The following AFG2A variants were observed in gnomAD, a reference collection of about 807,000 sequenced individuals.
The protein encoded by AFG2A is ATPase family gene 2 protein homolog A.
At chr4:123,060,677 GC>G in the AFG2A span, among the ~76,000 whole-genome samples, 3 of 152,264 alleles carry the variant, frequency 2.0e-5, no homozygotes, top group South Asian at 6.2e-4. Flanking sequence ...AGGTTTGCAG[GC>G]CTGTGATGGG....
chr4:123,190,829 C>G, the AFG2A span, among the ~76,000 whole-genome samples: 1 of 152,156 alleles, frequency 6.6e-6, no homozygotes, highest in Non-Finnish European at 1.5e-5. Flanking sequence ...TGTAGGTAAA[C>G]ACTGCCTCAG....
chr4:123,152,788 A>G, the AFG2A span, among the ~76,000 whole-genome samples: 2 of 152,250 alleles, frequency 1.3e-5, no homozygotes, highest in South Asian at 2.1e-4. Context: ...ATGTCCACAC[A>G]AAAACCTGCA....
the AFG2A span, among the ~76,000 whole-genome samples, chr4:123,007,229 C>T: frequency 4.7e-4 from 72 of 152,086 alleles, 1 homozygote; most frequent in Non-Finnish European, 9.0e-4. Context: ...TTGATTTTTC[C>T]ACTCTATTGA....
At chr4:123,208,987 C>A in the AFG2A span, among the ~76,000 whole-genome samples, 1 of 152,148 alleles carries the variant, frequency 6.6e-6, no homozygotes, top group East Asian at 1.9e-4. Flanking sequence ...AAGTCCATCC[C>A]ACAAACTCCA....
chr4:123,163,641 T>G, the AFG2A span, among the ~76,000 whole-genome samples: 17 of 152,282 alleles, frequency 1.1e-4, no homozygotes, highest in African/African-American at 4.1e-4. Flanking sequence ...TTTACAGACT[T>G]ACGTGGATTG....
the AFG2A span, among the ~76,000 whole-genome samples, chr4:123,056,877 T>C: frequency 6.6e-6 from 1 of 152,208 alleles, no homozygotes; most frequent in South Asian, 2.1e-4. Context: ...AAATCGAGGC[T>C]TACAGAAGTG....
the AFG2A span, among the ~76,000 whole-genome samples, chr4:123,015,425 G>T: frequency 6.6e-5 from 10 of 152,092 alleles, no homozygotes; most frequent in African/African-American, 2.4e-4. Flanking sequence ...GTTTAACAAA[G>T]CACATCTTGC....
chr4:123,069,703 A>C, the AFG2A span, among the ~76,000 whole-genome samples: 1 of 152,224 alleles, frequency 6.6e-6, no homozygotes, highest in Non-Finnish European at 1.5e-5. Flanking sequence ...AAATATCCGA[A>C]AAGTATAAAC....
the AFG2A span, among the ~76,000 whole-genome samples, chr4:123,070,781 A>G: frequency 7.9e-5 from 12 of 152,202 alleles, no homozygotes; most frequent in Non-Finnish European, 1.6e-4. Context: ...CTCACAGACA[A>G]CAAACAAGGT....
chr4:122,923,127 A>G, the AFG2A span: 37 of 1,613,972 alleles, frequency 2.3e-5, no homozygotes, highest in East Asian at 2.7e-4. Flanking sequence ...TGCTTCGGCT[A>G]GGGTACCTTG....
the AFG2A span, among the ~76,000 whole-genome samples, chr4:123,310,854 A>G: frequency 6.6e-6 from 1 of 152,238 alleles, no homozygotes; most frequent in African/African-American, 2.4e-5. Flanking sequence ...AGTTCTTCAG[A>G]GCATCCTTTA....
chr4:122,990,477 A>G, the AFG2A span, among the ~76,000 whole-genome samples: 1 of 152,226 alleles, frequency 6.6e-6, no homozygotes, highest in Non-Finnish European at 1.5e-5. Flanking sequence ...TCATTAACTA[A>G]TGTTTTTAAA....
chr4:123,144,387 A>G, the AFG2A span, among the ~76,000 whole-genome samples: 1 of 152,110 alleles, frequency 6.6e-6, no homozygotes, highest in Non-Finnish European at 1.5e-5. Flanking sequence ...ACATGCTGTA[A>G]GTAATATAGT....
chr4:123,004,320 C>T, the AFG2A span, among the ~76,000 whole-genome samples: 3 of 152,216 alleles, frequency 2.0e-5, no homozygotes, highest in Admixed American at 2.0e-4. Flanking sequence ...ACCCACTGTC[C>T]TGCGCCCACT....
chr4:122,959,103 A>T, the AFG2A span, among the ~76,000 whole-genome samples: 1 of 152,170 alleles, frequency 6.6e-6, no homozygotes, highest in South Asian at 2.1e-4. Flanking sequence ...CAGGTATGTC[A>T]TTGCTGCTGG....
At chr4:123,197,752 A>T in the AFG2A span, among the ~76,000 whole-genome samples, 1 of 150,632 alleles carries the variant, frequency 6.6e-6, no homozygotes, top group South Asian at 2.1e-4. Context: ...TGGGTGACGG[A>T]GTAAGACTCC....
chr4:123,224,981 A>T, the AFG2A span, among the ~76,000 whole-genome samples: 5 of 151,994 alleles, frequency 3.3e-5, no homozygotes, highest in African/African-American at 1.2e-4. Context: ...CCATTTTTTC[A>T]TGTGTCTTTT....
chr4:123,234,967 T>A, the AFG2A span, among the ~76,000 whole-genome samples: 1 of 152,174 alleles, frequency 6.6e-6, no homozygotes, highest in African/African-American at 2.4e-5. Context: ...GTAAACTCAT[T>A]CATGAATTTT....
the AFG2A span, among the ~76,000 whole-genome samples, chr4:123,270,413 G>A: frequency 6.6e-6 from 1 of 152,182 alleles, no homozygotes; most frequent in Non-Finnish European, 1.5e-5. Flanking sequence ...CTTCTGTGGG[G>A]AAGGGTACTC....
Sources: allele counts gnomAD v4.1 joint callset (sites outside exome capture counted in the v4.1 genomes callset), GRCh38; gene constraint gnomAD v4.1.1; transcripts MANE v1.5; gene names NCBI Gene and HGNC (gene_info 2026-07-23, HGNC 2026-07-21).